Variants in PTPRT observed in about 807,000 individuals in gnomAD.
The protein encoded by PTPRT is protein tyrosine phosphatase receptor type T.
Under a neutral mutation model 176.8 loss-of-function variants are expected in PTPRT, and 56 were observed. That is an observed-to-expected ratio of 0.32 (90% CI 0.26 to 0.40). The LOEUF (loss-of-function observed/expected upper bound fraction) is 0.40. Ranked by LOEUF, PTPRT falls within the 10% of genes least tolerant of loss-of-function variation. The pLI, the probability that PTPRT is intolerant of heterozygous loss-of-function variation, is 1.00. For missense variants in PTPRT, 1,540 were observed against 1,908.2 expected, an observed-to-expected ratio of 0.81 and a Z score of 3.60; for synonymous variants, 783 against 739.0, an observed-to-expected ratio of 1.06 and a Z score of -0.96.
In PTPRT at chr20:42,789,457, A is replaced by G. The variant is rs2077341592; in HGVS notation, c.486+1738T>C. Among the ~76,000 whole-genome samples the G allele has an allele frequency of 2.0e-5, 3 of 152,230 alleles. 1 individual carries two copies. In the South Asian group the frequency reaches 6.2e-4, roughly 32 times the overall value. ...CACTACCTCCGTTCAAGCTTGGGTT[A>G]TCACTTACCATTTCTGAGCCTTCGT... is the stretch of plus-strand genomic sequence containing the variant. On this transcript the variant is annotated intron_variant, in intron 3 of 30. Transcript: ENST00000373187.
chr20:42,336,584 T>G (rs979298698), intron 11 of PTPRT, among the ~76,000 whole-genome samples: 2 of 152,206 alleles, frequency 1.3e-5, no homozygotes, highest in African/African-American at 2.4e-5. Flanking sequence ...GAGAAGGCAC[T>G]CAGTACACTG....
intron 17 of PTPRT, among the ~76,000 whole-genome samples, chr20:42,149,853 T>G (rs1208335579): frequency 2.0e-5 from 3 of 152,170 alleles, no homozygotes; most frequent in African/African-American, 7.2e-5. Context: ...AATTATCATC[T>G]GGTACCCGCC....
intron 1 of PTPRT, among the ~76,000 whole-genome samples, chr20:43,001,851 T>C (rs1195102258): frequency 6.8e-6 from 1 of 147,008 alleles, no homozygotes; most frequent in African/African-American, 2.6e-5. Context: ...GTATCAAACA[T>C]TGTAAAACAA....
At position 42,830,302 on chromosome 20, in the gene PTPRT, T is replaced by C. The variant is rs1363389846; in HGVS notation, c.215-38836A>G. 3.9e-5 allele frequency among the ~76,000 whole-genome samples: 6 copies of C among 152,178 alleles called. No individual in the cohort carries two copies. The East Asian group carries it at 1.2e-3, about 29-fold the overall frequency. ...AAGTGGTTGGTTCAACATGTGCAAA[T>C]CAATAAACGTGATTCATCACACAAA... On this transcript the variant is annotated intron_variant, in intron 2 of 30. Coordinates refer to ENST00000373187, the MANE Select transcript of PTPRT (RefSeq NM_007050.6).
At chr20:42,121,531 G>A (rs556058019) in intron 19 of PTPRT, among the ~76,000 whole-genome samples, 2 of 152,150 alleles carry the variant, frequency 1.3e-5, no homozygotes, top group Non-Finnish European at 2.9e-5. Context: ...CATGGACTCC[G>A]GAACTCAGCT....
intron 1 of PTPRT, among the ~76,000 whole-genome samples, chr20:42,993,149 T>G (rs563243325): frequency 6.6e-6 from 1 of 152,120 alleles, no homozygotes; most frequent in South Asian, 2.1e-4. Context: ...TTTAAAAATA[T>G]ACAACCTGCC....
At chr20:42,859,087 G>A (rs536541840) in intron 2 of PTPRT, among the ~76,000 whole-genome samples, 76 of 152,216 alleles carry the variant, frequency 5.0e-4, no homozygotes, top group African/African-American at 1.6e-3. Context: ...AGTAGATAGC[G>A]TTCAAGTGGC....
intron 16 of PTPRT, among the ~76,000 whole-genome samples, chr20:42,185,504 T>C (rs150290024): frequency 4.3e-4 from 66 of 152,306 alleles, no homozygotes; most frequent in African/African-American, 1.5e-3. Context: ...AAGGGCTTTG[T>C]AAAATTCCCT....
chr20:42,940,280 T>A (rs1487987073), intron 1 of PTPRT, among the ~76,000 whole-genome samples: 1 of 152,218 alleles, frequency 6.6e-6, no homozygotes, highest in Non-Finnish European at 1.5e-5. Flanking sequence ...GCTCTGGACC[T>A]GAGGCATTAT....
chr20:43,020,825 C>T (rs1985640989), intron 1 of PTPRT, among the ~76,000 whole-genome samples: 1 of 152,196 alleles, frequency 6.6e-6, no homozygotes, highest in African/African-American at 2.4e-5. Flanking sequence ...GTTTTATAAG[C>T]TCTATCTTTC....
chr20:42,270,363 T>TCCCCCAC, intron 13 of PTPRT: 2 of 1,332,714 alleles, frequency 1.5e-6, no homozygotes, highest in Non-Finnish European at 2.1e-6. Flanking sequence ...TGGGCAACTC[T>TCCCCCAC]CCCCTCCCAC....
At chr20:43,102,083 C>A (rs189413477) in intron 1 of PTPRT, among the ~76,000 whole-genome samples, 542 of 152,234 alleles carry the variant, frequency 3.6e-3, no homozygotes, top group Admixed American at 6.2e-3. Flanking sequence ...TTCCCTTGAG[C>A]CTTTTTAGAA....
At chr20:42,315,057 G>A (rs941194827) in intron 12 of PTPRT, among the ~76,000 whole-genome samples, 7 of 151,902 alleles carry the variant, frequency 4.6e-5, no homozygotes, top group Non-Finnish European at 8.8e-5. Context: ...GCCAATCCTT[G>A]ACCAAAGAAA....
rs531042216 is a variant in PTPRT at position 42,704,934 on chromosome 20, G to A, written c.860-26775C>T. ...AAAATAATAACATGCGGCCGGGCGT[G>A]GTGGCTCATACCTGTAATCCCAGCA... On this transcript the variant is annotated intron_variant, in intron 6 of 30. Transcript: ENST00000373187. 3.3e-5 allele frequency among the ~76,000 whole-genome samples: 5 copies of A among 152,206 alleles called. No individual in the cohort carries two copies. In the South Asian group the frequency reaches 1.0e-3, roughly 32 times the overall value.
Position 42,768,660 on chromosome 20 carries a change from C to T in PTPRT, c.684+2775G>A, listed in dbSNP as rs147823990. On this transcript the variant is annotated intron_variant, in intron 5 of 30. Coordinates refer to ENST00000373187, the MANE Select transcript of PTPRT (RefSeq NM_007050.6). ...CAGAAATGCGGTTTTCGCATTATTA[C>T]CAGCTCTGTGTATTTTCTCCTTCTA... is the stretch of plus-strand genomic sequence containing the variant. 8.1e-3 allele frequency among the ~76,000 whole-genome samples: 1,232 copies of T among 152,298 alleles called. 14 individuals are homozygous for T. The highest frequency in any genetic ancestry group is 0.026 in the African/African-American group (1,062 of 41,566).
chr20:42,766,156 G>A (rs977895873), intron 5 of PTPRT, among the ~76,000 whole-genome samples: 1 of 152,174 alleles, frequency 6.6e-6, no homozygotes. Flanking sequence ...CCACAAAACT[G>A]TAGACCACTT....
chr20:42,793,416 T>C (rs1004493638), intron 2 of PTPRT, among the ~76,000 whole-genome samples: 1 of 152,254 alleles, frequency 6.6e-6, no homozygotes, highest in African/African-American at 2.4e-5. Flanking sequence ...CTACCACTTA[T>C]AAGTGAGAAC....
At chr20:42,270,423 C>T (rs1405822046) in intron 13 of PTPRT, 4 of 1,550,772 alleles carry the variant, frequency 2.6e-6, no homozygotes, top group Non-Finnish European at 3.5e-6. Context: ...GAGTGGAGTC[C>T]CCGGGGTCAC....
intron 5 of PTPRT, among the ~76,000 whole-genome samples, chr20:42,769,486 G>A (rs1241269742): frequency 6.6e-6 from 1 of 152,152 alleles, no homozygotes; most frequent in African/African-American, 2.4e-5. Flanking sequence ...TGCTGGTGAG[G>A]ATATGGAGCA....
Sources: gnomAD v4.1 joint callset for allele counts (sites outside exome capture counted in the v4.1 genomes callset) on GRCh38, gnomAD v4.1.1 for gene constraint, MANE v1.5 for transcripts, NCBI Gene and HGNC (gene_info 2026-07-23, HGNC 2026-07-21) for gene names.